The following ECEL1 variants were observed in gnomAD, a reference collection of about 807,000 sequenced individuals.
ECEL1 encodes the protein endothelin converting enzyme like 1, also known as endothelin-converting enzyme-like 1.
In ECEL1, 87 loss-of-function variants were observed where a neutral mutation model predicts 101.8. The observed-to-expected ratio is 0.85, with a 90% CI of 0.72 to 1.02. ECEL1 has a LOEUF of 1.02. Among genes scored for constraint, ECEL1 ranks in the 50% least tolerant of loss-of-function variants. ECEL1 has a pLI of 0.00. For missense variants in ECEL1, 1,032 were observed against 1,079.2 expected (o/e 0.96, Z 0.61); for synonymous variants, 487 against 468.7 (o/e 1.04, Z -0.50).
rs1575077855 is a variant in ECEL1 at position 232,484,972 on chromosome 2, T to G, written c.966+9A>C. 1 of 1,613,036 alleles carries G rather than the reference T, an allele frequency of 6.2e-7. No homozygotes were observed. The highest frequency in any genetic ancestry group is 8.5e-7 in the Non-Finnish European group (1 of 1,180,002). On this transcript the variant is annotated intron_variant, in intron 4 of 17. Transcript: ENST00000304546. ...AGCCCAGGGCAGCCTCCAGTCCTGG[T>G]CTGCTCACGTTGGCCAGCTGCTGCT...
At chr2:232,487,528 C>T (rs949867993) in intron 1 of ECEL1, among the ~76,000 whole-genome samples, 191 bp downstream of exon 1, 1 of 152,028 alleles carries the variant, frequency 6.6e-6, no homozygotes, top group African/African-American at 2.4e-5. Flanking sequence ...CTGGCGACCC[C>T]CGAGCCCCGG....
At chr2:232,485,318 C>T (rs772807268) in intron 2 of ECEL1, 51 bp from the exon 3 acceptor site, 4 of 1,594,686 alleles carry the variant, frequency 2.5e-6, no homozygotes, top group Non-Finnish European at 3.4e-6. Context: ...CTCAGGTTCC[C>T]TAAACAGAGG....
chr2:232,486,025 C>T lies in ECEL1; in HGVS notation c.629G>A (p.Gly210Asp). Residue 210 changes from glycine to aspartate, a missense_variant, in exon 2 of 18, where the codon GGC becomes GAC. By Grantham distance (94) the Gly-to-Asp change is moderately conservative. Coordinates refer to ENST00000304546, the MANE Select transcript of ECEL1 (RefSeq NM_004826.4). ...CTCCTCCGCGCCGCCCAGGTCCCAG[C>T]CCCCGCAGTCCTCGATGACCTCTAG... ...PMLEVIEDCG[G>D]WDLGGAEERP... is the part of the protein sequence containing the mutation. The T allele has an allele frequency of 6.2e-7, 1 of 1,608,798 alleles. No individual in the cohort carries two copies. The highest frequency in any genetic ancestry group is 8.5e-7 in the Non-Finnish European group (1 of 1,178,600).
chr2:232,485,344 T>C, intron 2 of ECEL1, 77 bp from the exon 3 acceptor site: 1 of 1,509,482 alleles, frequency 6.6e-7, no homozygotes, highest in South Asian at 1.2e-5. Context: ...CCCACTCCAA[T>C]GCCCAGAGAG....
In ECEL1 at chr2:232,485,350, G is replaced by C; in HGVS notation, c.787-83C>G. The C allele has an allele frequency of 3.4e-6, 5 of 1,482,438 alleles. No individual in the cohort carries two copies. The South Asian group carries it at 6.0e-5, about 18-fold the overall frequency. 91.8% of individuals were successfully genotyped at this position (1,482,438 alleles called of 1,614,324 possible). A position where few individuals can be genotyped will look rare whatever the true frequency, so the allele number is the denominator to read the frequency against. Reference sequence around the variant, plus strand: ...GAGGGAATTCCCACTCCAATGCCCAGAGAGCAACCAGACATCCATGAGTAC... The same window carrying C: ...GAGGGAATTCCCACTCCAATGCCCACAGAGCAACCAGACATCCATGAGTAC... On this transcript the variant is annotated intron_variant, in intron 2 of 17. Transcript: ENST00000304546.
In ECEL1 at chr2:232,485,020, C is replaced by T. The variant is rs1363864071; in HGVS notation, c.927G>A (p.Lys309=). The change falls in exon 4 of 18, where the codon AAG becomes AAA. Residue 309 remains lysine (K), a synonymous_variant. Transcript: ENST00000304546. ...GCTCCACTTGCAGGATCTCTTGGGCCTTCTGTTCCACAGCGTCTGCACCCA... is the reference window on the plus strand; with the variant it reads ...GCTCCACTTGCAGGATCTCTTGGGCTTTCTGTTCCACAGCGTCTGCACCCA... ...SLLGADAVEQ[K]AQEILQVEQQ... The T allele has an allele frequency of 7.4e-6, 12 of 1,612,968 alleles. No individual in the cohort carries two copies. The highest frequency in any genetic ancestry group is 1.0e-5 in the Non-Finnish European group (12 of 1,180,016).
Position 232,481,173 on chromosome 2 carries a change from A to T in ECEL1, c.1990-17T>A. On this transcript the variant is annotated splice_polypyrimidine_tract_variant and intron_variant, in intron 14 of 17. Transcript: ENST00000304546. The stretch of plus-strand genomic sequence containing the variant: ...CCCGTTCACCTGCCGGGAAGGGAAG[A>T]GGCCAGGGGGCTGCTTGGGGCCCAG... 1 of 1,558,066 alleles carries T rather than the reference A, an allele frequency of 6.4e-7. No homozygotes were observed. The highest frequency in any genetic ancestry group is 8.7e-7 in the Non-Finnish European group (1 of 1,150,954).
In ECEL1 at chr2:232,484,536, C is replaced by A; in HGVS notation, c.1120G>T (p.Val374Leu). 1.2e-6 allele frequency: 2 copies of A among 1,613,956 alleles called. No homozygotes were observed. Among genetic ancestry groups the A allele is most frequent in the Non-Finnish European group, 1.7e-6 (2 of 1,180,030 alleles). Residue 374 changes from valine (V) to leucine (L), a missense_variant, in exon 6 of 18, where the codon GTG becomes TTG. Coordinates refer to ENST00000304546, the MANE Select transcript of ECEL1 (RefSeq NM_004826.4). ...FQEDFSEEEE[V>L]VLLATDYMQQ... is the part of the protein sequence containing the mutation. Reference sequence around the variant, plus strand: ...ATGTAGTCTGTCGCCAGCAGCACCACCTCCTCTTCCTCTGAGAAGTCCTCC... The same window carrying A: ...ATGTAGTCTGTCGCCAGCAGCACCAACTCCTCTTCCTCTGAGAAGTCCTCC...
In ECEL1 at chr2:232,485,179, C is replaced by G. The variant is rs776090489; in HGVS notation, c.855+20G>C. 28 of 1,613,292 alleles carry G rather than the reference C, an allele frequency of 1.7e-5. No individual in the cohort carries two copies. In the Admixed American group the frequency reaches 4.2e-4, roughly 24 times the overall value. ...TGGGGCCCCAGGCCTTCCCTGCCTCCCCATCCCATGCCCCAGCACCTTCTC... is the reference window on the plus strand; with the variant it reads ...TGGGGCCCCAGGCCTTCCCTGCCTCGCCATCCCATGCCCCAGCACCTTCTC... On this transcript the variant is annotated intron_variant, in intron 3 of 17. Transcript: ENST00000304546.
chr2:232,479,889 C>T lies in ECEL1; in HGVS notation c.*264G>A. 1 of 543,552 alleles carries T rather than the reference C, an allele frequency of 1.8e-6. No homozygotes were observed. Among genetic ancestry groups the T allele is most frequent in the Non-Finnish European group, 3.3e-6 (1 of 302,288 alleles). The allele number at this position is 543,552 out of a possible 1,614,324, so 33.7% of individuals were successfully genotyped here. On this transcript the variant is annotated 3_prime_UTR_variant, in exon 18 of 18. Transcript: ENST00000304546. Reference sequence around the variant, plus strand: ...GAACACAGCGAAGGTGGGGCCCGTACAATCCAGCCTGGCAGAGGGTCTGGC... The same window carrying T: ...GAACACAGCGAAGGTGGGGCCCGTATAATCCAGCCTGGCAGAGGGTCTGGC...
intron 1 of ECEL1, among the ~76,000 whole-genome samples, chr2:232,487,238 C>T (rs1006655945): frequency 6.6e-6 from 1 of 152,210 alleles, no homozygotes; most frequent in Non-Finnish European, 1.5e-5. Flanking sequence ...TTTGTCCTCG[C>T]GGAAGTCCGC....
Position 232,484,465 on chromosome 2 carries a change from G to C in ECEL1, c.1184+7C>G, listed in dbSNP as rs759738789. ...CTGGGCAGAAAATGCCAGATCTGCA[G>C]CCATACCGGTGGGGTGTGGAGCGGA... On this transcript the variant is annotated splice_region_variant and intron_variant, in intron 6 of 17. Coordinates refer to ENST00000304546, the MANE Select transcript of ECEL1 (RefSeq NM_004826.4). 8 of 1,613,302 alleles carry C rather than the reference G, an allele frequency of 5.0e-6. No homozygotes were observed. The Middle Eastern group carries it at 5.0e-4, about 100-fold the overall frequency.
At chr2:232,482,984 C>A in intron 9 of ECEL1, 30 bp from the exon 10 acceptor site, 1 of 1,613,542 alleles carries the variant, frequency 6.2e-7, no homozygotes, top group Non-Finnish European at 8.5e-7. Context: ...CACTCAGCGG[C>A]AGGCCAGGGC....
rs1191480888 is a variant in ECEL1, at chr2:232,486,138, A to T, written c.516T>A (p.Pro172=). The change falls in exon 2 of 18, where the codon CCT becomes CCA. Residue 172 remains proline, a synonymous_variant. Transcript: ENST00000304546. ...RRLLARPGGG[P]GGAAQRKVRA... is the part of the protein sequence containing the mutation. Reference sequence around the variant, plus strand: ...GCACCTTGCGCTGGGCCGCGCCGCCAGGCCCACCCCCGGGCCGCGCCAGCA... The same window carrying T: ...GCACCTTGCGCTGGGCCGCGCCGCCTGGCCCACCCCCGGGCCGCGCCAGCA... 1.3e-6 allele frequency: 2 copies of T among 1,564,056 alleles called. No homozygotes were observed. The highest frequency in any genetic ancestry group is 1.9e-5 in the Admixed American group (1 of 53,482).
At chr2:232,484,422 G>C in intron 6 of ECEL1, 50 bp downstream of exon 6, 1 of 1,606,878 alleles carries the variant, frequency 6.2e-7, no homozygotes, top group Non-Finnish European at 8.5e-7. Context: ...AGGGTGCAGG[G>C]GAAGGACCTA....
chr2:232,481,381 T>A lies in ECEL1; in HGVS notation c.1989+125A>T, dbSNP rs1213870555. ...CACGTGAGTGTGCGTGGGAACCGAA[T>A]GTGTGTGCAGGGACCTGGGCACAGG... is the stretch of plus-strand genomic sequence containing the variant. On this transcript the variant is annotated intron_variant, in intron 14 of 17. Transcript: ENST00000304546. 2.7e-6 allele frequency: 4 copies of A among 1,472,066 alleles called. No homozygotes were observed. In the African/African-American group the frequency reaches 5.6e-5, roughly 21 times the overall value. 91.2% of individuals were successfully genotyped at this position (1,472,066 alleles called of 1,614,324 possible).
rs1559275986 is a variant in ECEL1, at chr2:232,484,837, CTTG to C, written c.1020_1022del (p.Asn340del). 3 of 1,614,052 alleles carry C rather than the reference CTTG, an allele frequency of 1.9e-6. No individual in the cohort carries two copies. The highest frequency in any genetic ancestry group is 1.7e-5 in the Admixed American group (1 of 60,030). On this transcript the variant is annotated inframe_deletion, in exon 5 of 18. Coordinates refer to ENST00000304546, the MANE Select transcript of ECEL1 (RefSeq NM_004826.4). ...TCTTCTGCAGCTGCCCCAGCGTCAC[CTTG>C]TTGTACATGGAGCTGACATCTCGCC...
Position 232,486,982 on chromosome 2 carries a change from G to A in ECEL1, c.-101-228C>T, listed in dbSNP as rs1029411018. On this transcript the variant is annotated intron_variant, in intron 1 of 17. Coordinates refer to ENST00000304546, the MANE Select transcript of ECEL1 (RefSeq NM_004826.4). ...CACTTGAGGGCCGCAGGGTTGGGAG[G>A]GCTCTTATTGGAAGCAAGAGGCGCC... Among the ~76,000 whole-genome samples the A allele has an allele frequency of 2.0e-5, 3 of 152,154 alleles. No homozygotes were observed. The South Asian group carries it at 6.2e-4, about 31-fold the overall frequency.
chr2:232,480,275 C>G (rs748515903), intron 17 of ECEL1, 23 bp from the exon 18 acceptor site: 15 of 1,612,838 alleles, frequency 9.3e-6, no homozygotes, highest in Non-Finnish European at 1.7e-6. Context: ...GAGACCCACA[C>G]AGTGTTGGGC....
Sources: allele counts gnomAD v4.1 joint callset (sites outside exome capture counted in the v4.1 genomes callset), GRCh38; gene constraint gnomAD v4.1.1; transcripts MANE v1.5; gene names NCBI Gene and HGNC (gene_info 2026-07-23, HGNC 2026-07-21).